Variants in IL16 observed in about 807,000 individuals in gnomAD.
IL16 encodes pro-interleukin-16.
IL16 carries 67 observed loss-of-function variants against 110.1 expected under a neutral mutation model. The ratio of observed to expected loss-of-function variants is 0.61; its 90% CI spans 0.50 to 0.75. IL16 has a LOEUF of 0.75. IL16 is among the 30% of genes least tolerant of loss of function. The pLI is 0.00. For synonymous variants in IL16, 689 were observed against 662.9 expected, an observed-to-expected ratio of 1.04 and a Z score of -0.61; for missense variants, 1,545 against 1,655.0, an observed-to-expected ratio of 0.93 and a Z score of 1.15.
chr15:81,214,724 T>A (rs1032972233), intron 1 of IL16, among the ~76,000 whole-genome samples: 3 of 152,194 alleles, frequency 2.0e-5, no homozygotes, highest in African/African-American at 7.2e-5. Context: ...TTTTCCAAGG[T>A]GCTTATTCTC....
chr15:81,225,525 T>C lies in IL16; in HGVS notation c.126T>C (p.Pro42=). 1.2e-6 allele frequency: 2 copies of C among 1,614,184 alleles called. No homozygotes were observed. The highest frequency in any genetic ancestry group is 1.3e-5 in the African/African-American group (1 of 75,060). The change falls in exon 2 of 19, where the codon CCT becomes CCC. Residue 42 remains proline, a synonymous_variant. Coordinates refer to ENST00000683961, the MANE Select transcript of IL16 (RefSeq NM_172217.5). ...DDGSSPDEKY[P]DPFEISLAQG... ...GCTCTAGCCCTGATGAGAAATATCC[T>C]GATCCCTTTGAGATTTCCTTGGCCC...
upstream of IL16, among the ~76,000 whole-genome samples, chr15:81,196,601 A>C (rs1895602784): frequency 6.6e-6 from 1 of 152,292 alleles, no homozygotes; most frequent in South Asian, 2.1e-4. Context: ...GCAGGCACCG[A>C]GTCATGTCTG....
chr15:81,185,191 A>C (rs1895400919), intron 1 of IL16, among the ~76,000 whole-genome samples: 1 of 152,252 alleles, frequency 6.6e-6, no homozygotes, highest in Admixed American at 6.5e-5. Flanking sequence ...ACACACTGCC[A>C]TATGTCTTTG....
At chr15:81,190,839 T>C (rs776165152) in intron 1 of IL16, among the ~76,000 whole-genome samples, 19 of 152,124 alleles carry the variant, frequency 1.2e-4, no homozygotes, top group Non-Finnish European at 1.9e-4. Flanking sequence ...TTATATATCA[T>C]AGGAGAAGGG....
intron 1 of IL16, among the ~76,000 whole-genome samples, chr15:81,215,449 C>T (rs974428587): frequency 6.6e-6 from 1 of 152,134 alleles, no homozygotes; most frequent in Non-Finnish European, 1.5e-5. Context: ...AGAGTGATGG[C>T]CAATAGCTAG....
At chr15:81,223,207 G>A (rs1043638861) in intron 1 of IL16, among the ~76,000 whole-genome samples, 3 of 152,164 alleles carry the variant, frequency 2.0e-5, no homozygotes, top group Non-Finnish European at 4.4e-5. Context: ...TTCAGTGGCT[G>A]TAGGGAAAGG....
At chr15:81,291,934 G>T (rs1042884948) in intron 11 of IL16, 16 of 455,974 alleles carry the variant, frequency 3.5e-5, no homozygotes, top group African/African-American at 2.8e-4. Flanking sequence ...ATGCAGAAAT[G>T]GAGTTGGGTC....
chr15:81,211,344 C>A (rs1213181253), intron 1 of IL16, among the ~76,000 whole-genome samples: 1 of 152,044 alleles, frequency 6.6e-6, no homozygotes, highest in Non-Finnish European at 1.5e-5. Context: ...CTCCACCTCC[C>A]AGGTTCAGGC....
Position 81,273,174 on chromosome 15 carries a change from G to A in IL16, c.760G>A (p.Ala254Thr). Residue 254 changes from alanine to threonine, a missense_variant, in exon 6 of 19, where the codon GCA becomes ACA. This residue lies in a region of IL16 where 1,185 missense variants were observed against 1,238.8 expected (regional missense o/e 0.96). Coordinates refer to ENST00000683961, the MANE Select transcript of IL16 (RefSeq NM_172217.5). ...IYVKTIFAGGAAAADGRLQEG... is the reference protein window; with the variant it reads ...IYVKTIFAGGTAAADGRLQEG... The stretch of plus-strand genomic sequence containing the variant: ...CGTCAAAACCATTTTTGCAGGGGGA[G>A]CAGCAGCAGCCGATGGAAGGCTACA... The A allele has an allele frequency of 6.2e-7, 1 of 1,612,880 alleles. No homozygotes were observed.
chr15:81,255,501 A>G (rs1266311428), intron 2 of IL16, among the ~76,000 whole-genome samples: 1 of 152,254 alleles, frequency 6.6e-6, no homozygotes, highest in Non-Finnish European at 1.5e-5. Flanking sequence ...GTTGGAGGAT[A>G]CAGACTTGTG....
rs879906600 is a variant in IL16 at position 81,206,889 on chromosome 15, T to C, written c.-102+9737T>C. Among the ~76,000 whole-genome samples the C allele has an allele frequency of 6.8e-4, 104 of 152,032 alleles. 1 individual carries two copies. Among genetic ancestry groups the C allele is most frequent in the Middle Eastern group, 3.4e-3 (1 of 294 alleles). ...ATAATGATGATGATGATGATGATGATGATGACGATGACATGGTGGCAATAA... is the reference window on the plus strand; with the variant it reads ...ATAATGATGATGATGATGATGATGACGATGACGATGACATGGTGGCAATAA... On this transcript the variant is annotated intron_variant, in intron 1 of 18. Coordinates refer to ENST00000683961, the MANE Select transcript of IL16 (RefSeq NM_172217.5).
At chr15:81,191,401 C>A (rs1414078756) in intron 1 of IL16, among the ~76,000 whole-genome samples, 3 of 152,166 alleles carry the variant, frequency 2.0e-5, no homozygotes, top group African/African-American at 7.2e-5. Context: ...AAACTACAAA[C>A]AAATGTAGAA....
chr15:81,227,581 T>C (rs554649374), intron 2 of IL16, among the ~76,000 whole-genome samples: 1 of 152,116 alleles, frequency 6.6e-6, no homozygotes, highest in Admixed American at 6.6e-5. Flanking sequence ...CAAGTTGAGG[T>C]GGCAGCCAGG....
chr15:81,238,827 G>GTTTT (rs370588345), intron 2 of IL16, among the ~76,000 whole-genome samples: 2 of 138,160 alleles, frequency 1.4e-5, no homozygotes, highest in Non-Finnish European at 3.2e-5. Context: ...AATTCTTTTA[G>GTTTT]TTTTTTTTTT....
At chr15:81,275,639 A>AT (rs995088940) in intron 6 of IL16, among the ~76,000 whole-genome samples, 1 of 152,002 alleles carries the variant, frequency 6.6e-6, no homozygotes, top group Non-Finnish European at 1.5e-5. Flanking sequence ...CAAACTTTTT[A>AT]TTTTTTCTGA....
upstream of IL16, among the ~76,000 whole-genome samples, chr15:81,194,403 G>A (rs1290302974): frequency 6.6e-6 from 1 of 151,406 alleles, no homozygotes; most frequent in Non-Finnish European, 1.5e-5. Flanking sequence ...CTAAAATTTT[G>A]AAATTAAAAA....
chr15:81,244,862 C>T (rs1225272388), intron 2 of IL16, among the ~76,000 whole-genome samples: 1 of 152,026 alleles, frequency 6.6e-6, no homozygotes, highest in Non-Finnish European at 1.5e-5. Context: ...ATTTTTTTCC[C>T]AGTCTATTTT....
intron 1 of IL16, among the ~76,000 whole-genome samples, chr15:81,212,953 T>C (rs1896302426): frequency 6.6e-6 from 1 of 152,226 alleles, no homozygotes; most frequent in African/African-American, 2.4e-5. Flanking sequence ...TTTTTTGTTC[T>C]AGTTTCTTTA....
chr15:81,209,140 A>G (rs1896141680), intron 1 of IL16, among the ~76,000 whole-genome samples: 2 of 152,148 alleles, frequency 1.3e-5, no homozygotes, highest in African/African-American at 4.8e-5. Context: ...GACAGTGTGC[A>G]AGAGTTATGG....
Sources: allele counts gnomAD v4.1 joint callset (sites outside exome capture counted in the v4.1 genomes callset), GRCh38; gene constraint gnomAD v4.1.1; regional missense constraint gnomAD v4.1.1; transcripts MANE v1.5; gene names NCBI Gene and HGNC (gene_info 2026-07-23, HGNC 2026-07-21).